The following CHMP2A variants were observed in gnomAD, a reference collection of about 807,000 sequenced individuals.
CHMP2A encodes charged multivesicular body protein 2A.
Under a neutral mutation model 21.8 loss-of-function variants are expected in CHMP2A, and 6 were observed. That is an observed-to-expected ratio of 0.28 (90% CI 0.15 to 0.54). CHMP2A has a LOEUF of 0.54. Ranked by LOEUF, CHMP2A falls within the 20% of genes least tolerant of loss-of-function variation. CHMP2A has a pLI of 0.95. For missense variants in CHMP2A, 303 were observed against 293.9 expected (o/e 1.03, Z -0.23); for synonymous variants, 125 against 107.0 (o/e 1.17, Z -1.04).
chr19:58,552,447 T>G lies in CHMP2A; in HGVS notation c.169-9A>C. The stretch of plus-strand genomic sequence containing the variant: ...ATGATGCGAACAGCATCCTGCAGAG[T>G]AGACAAGGGTATCAAGGACACAGGA... On this transcript the variant is annotated splice_polypyrimidine_tract_variant and intron_variant, in intron 2 of 5. Transcript: ENST00000312547. 6.2e-7 allele frequency: 1 copy of G among 1,610,782 alleles called. No individual in the cohort carries two copies. Among genetic ancestry groups the G allele is most frequent in the South Asian group, 1.1e-5 (1 of 90,876 alleles).
chr19:58,553,978 C>G (rs780188922), intron 2 of CHMP2A, 67 bp downstream of exon 2: 28 of 1,588,754 alleles, frequency 1.8e-5, no homozygotes, highest in Non-Finnish European at 2.2e-5. Context: ...GGTGTCTGGT[C>G]TCTCTTGTTC....
Position 58,551,957 on chromosome 19 carries a change from C to T in CHMP2A, c.490G>A (p.Val164Met), listed in dbSNP as rs146139219. 127 of 1,614,034 alleles carry T rather than the reference C, an allele frequency of 7.9e-5. No individual in the cohort carries two copies. Among genetic ancestry groups the T allele is most frequent in the Non-Finnish European group, 9.7e-5 (115 of 1,180,036 alleles). The change falls in exon 5 of 6, where the codon GTG (valine) becomes ATG (methionine). Residue 164 changes from valine (V) to methionine (M), a missense_variant. Coordinates refer to ENST00000312547, the MANE Select transcript of CHMP2A (RefSeq NM_014453.4). ...CCCAGCTCATCCAGAACCTGGGACA[C>T]CACAGCATCACTAGGGAAGAGAGAG... ...EEDEEESDAV[V>M]SQVLDELGLS...
intron 2 of CHMP2A, among the ~76,000 whole-genome samples, chr19:58,553,517 G>A (rs1027669309): frequency 6.6e-6 from 1 of 151,296 alleles, no homozygotes; most frequent in Non-Finnish European, 1.5e-5. Context: ...GATTACAGGC[G>A]TGCGCCACCA....
intron 1 of CHMP2A, 79 bp from the exon 2 acceptor site, chr19:58,554,315 C>T: frequency 1.5e-6 from 2 of 1,363,234 alleles, no homozygotes; most frequent in Non-Finnish European, 2.0e-6. Context: ...TCACGGGAGC[C>T]TTGCCAAATG....
At chr19:58,552,516 C>G in intron 2 of CHMP2A, 78 bp from the exon 3 acceptor site, 1 of 1,418,206 alleles carries the variant, frequency 7.1e-7, no homozygotes, top group South Asian at 1.3e-5. Context: ...AGTTGGTTGT[C>G]CCTCCCCACC....
At position 58,551,728 on chromosome 19, in the gene CHMP2A, T is replaced by G. The variant is rs2053827441; in HGVS notation, c.590A>C (p.Lys197Thr). ...TAGGGCTGAGGCTGCGGCCTCTGCT[T>G]TTTTCCCACCAGCAGCCACACTAAG... ...GSLSVAAGGKKAEAAASALAD... is the reference protein window; with the variant it reads ...GSLSVAAGGKTAEAAASALAD... Residue 197 changes from lysine to threonine, a missense_variant, in exon 6 of 6, where the codon AAA (lysine) becomes ACA (threonine). Physicochemically the swap from Lys to Thr is moderately conservative, Grantham distance 78. Coordinates refer to ENST00000312547, the MANE Select transcript of CHMP2A (RefSeq NM_014453.4). 6.2e-7 allele frequency: 1 copy of G among 1,614,076 alleles called. No homozygotes were observed. Among genetic ancestry groups the G allele is most frequent in the Admixed American group, 1.7e-5 (1 of 60,020 alleles).
chr19:58,552,200 AGT>A lies in CHMP2A; in HGVS notation c.349-17_349-16del, dbSNP rs1398665097. On this transcript the variant is annotated splice_polypyrimidine_tract_variant and intron_variant, in intron 3 of 5. Transcript: ENST00000312547. The stretch of plus-strand genomic sequence containing the variant: ...GGCAACTTCAGCTGGAAGTGACAGG[AGT>A]GTGAGTGTGATCCCCATGGGTCGTG... 1.2e-6 allele frequency: 2 copies of A among 1,614,020 alleles called. No homozygotes were observed. The highest frequency in any genetic ancestry group is 2.2e-5 in the East Asian group (1 of 44,902).
intron 2 of CHMP2A, chr19:58,553,621 CCT>C (rs770048538): frequency 8.3e-5 from 20 of 242,062 alleles, no homozygotes; most frequent in African/African-American, 3.8e-4. Flanking sequence ...GATCCAACCA[CCT>C]CTGCCTCCCA....
At chr19:58,553,377 T>TG (rs2053855318) in intron 2 of CHMP2A, among the ~76,000 whole-genome samples, 1 of 147,136 alleles carries the variant, frequency 6.8e-6, no homozygotes, top group Non-Finnish European at 1.5e-5. Context: ...ACTGGTTTTT[T>TG]TTTTTTTTTT....
intron 5 of CHMP2A, 48 bp downstream of exon 5, chr19:58,551,858 T>C (rs1368026418): frequency 6.2e-7 from 1 of 1,614,058 alleles, no homozygotes; most frequent in Non-Finnish European, 8.5e-7. Flanking sequence ...CTTGGAGCTG[T>C]GGCTGGGCCT....
chr19:58,553,862 C>T (rs896440999), intron 2 of CHMP2A, 183 bp downstream of exon 2: 1 of 703,940 alleles, frequency 1.4e-6, no homozygotes, highest in African/African-American at 1.8e-5. Flanking sequence ...ATCACTCAAG[C>T]CTTGGATCTC....
Position 58,552,060 on chromosome 19 carries a change from C to T in CHMP2A, c.474G>A (p.Glu158=), listed in dbSNP as rs375168365. The T allele has an allele frequency of 3.7e-6, 6 of 1,614,186 alleles. No individual in the cohort carries two copies. The highest frequency in any genetic ancestry group is 4.2e-6 in the Non-Finnish European group (5 of 1,180,034). Residue 158 remains glutamate, a synonymous_variant, in exon 4 of 6, where the codon GAG becomes GAA. Coordinates refer to ENST00000312547, the MANE Select transcript of CHMP2A (RefSeq NM_014453.4). The part of the protein sequence containing the change: ...DDAMGDEEDE[E]ESDAVVSQVL... Reference sequence around the variant, plus strand: ...CCCATCCAGTTTCCCCATACCTCTCCTCTTCATCTTCCTCATCACCCATGG... The same window carrying T: ...CCCATCCAGTTTCCCCATACCTCTCTTCTTCATCTTCCTCATCACCCATGG...
chr19:58,552,342 T>G lies in CHMP2A; in HGVS notation c.265A>C (p.Lys89Gln). The change falls in exon 3 of 6, where the codon AAG becomes CAG. Residue 89 changes from lysine to glutamine, a missense_variant. Coordinates refer to ENST00000312547, the MANE Select transcript of CHMP2A (RefSeq NM_014453.4). Reference protein sequence around the residue: ...MRANIQAVSLKIQTLKSNNSM... With the variant: ...MRANIQAVSLQIQTLKSNNSM... ...TTGTTGGACTTGAGTGTCTGGATCTTGAGGGACACAGCCTGGATGTTGGCC... is the reference window on the plus strand; with the variant it reads ...TTGTTGGACTTGAGTGTCTGGATCTGGAGGGACACAGCCTGGATGTTGGCC... 1 of 1,614,250 alleles carries G rather than the reference T, an allele frequency of 6.2e-7. No homozygotes were observed. The highest frequency in any genetic ancestry group is 8.5e-7 in the Non-Finnish European group (1 of 1,180,046).
rs2053824586 is a variant in CHMP2A at position 58,551,607 on chromosome 19, G to C, written c.*42C>G. On this transcript the variant is annotated 3_prime_UTR_variant, in exon 6 of 6. Transcript: ENST00000312547. ...TTATTACAGAGGGGTTGTGGTAAAAGATCCTGGGCATCCACTGGTTATCTC... is the reference window on the plus strand; with the variant it reads ...TTATTACAGAGGGGTTGTGGTAAAACATCCTGGGCATCCACTGGTTATCTC... 1.9e-6 allele frequency: 3 copies of C among 1,599,592 alleles called. No homozygotes were observed. Among genetic ancestry groups the C allele is most frequent in the Non-Finnish European group, 2.6e-6 (3 of 1,170,050 alleles).
chr19:58,552,232 T>A lies in CHMP2A; in HGVS notation c.348+27A>T, dbSNP rs774491067. 4.3e-6 allele frequency: 7 copies of A among 1,613,864 alleles called. No homozygotes were observed. The South Asian group carries it at 7.7e-5, about 18-fold the overall frequency. ...GTGTGATCCCCATGGGTCGTGGGAG[T>A]GGGAAGGGGGATTGGGAAAAGCGCA... On this transcript the variant is annotated intron_variant, in intron 3 of 5. Transcript: ENST00000312547.
rs369412344 is a variant in CHMP2A at position 58,552,225 on chromosome 19, G to A, written c.348+34C>T. On this transcript the variant is annotated intron_variant, in intron 3 of 5. Coordinates refer to ENST00000312547, the MANE Select transcript of CHMP2A (RefSeq NM_014453.4). ...AGTGTGAGTGTGATCCCCATGGGTCGTGGGAGTGGGAAGGGGGATTGGGAA... is the reference window on the plus strand; with the variant it reads ...AGTGTGAGTGTGATCCCCATGGGTCATGGGAGTGGGAAGGGGGATTGGGAA... 217 of 1,614,048 alleles carry A rather than the reference G, an allele frequency of 1.3e-4. 2 individuals are homozygous for A. The Admixed American group carries it at 3.5e-3, about 26-fold the overall frequency.
chr19:58,553,538 G>GT (rs565753399), intron 2 of CHMP2A, among the ~76,000 whole-genome samples: 153 of 150,562 alleles, frequency 1.0e-3, no homozygotes, highest in South Asian at 6.5e-3. Flanking sequence ...TGCCTGGCTA[G>GT]TTTTTTTTAT....
chr19:58,553,071 T>G (rs1028010091), intron 2 of CHMP2A, among the ~76,000 whole-genome samples: 8 of 152,132 alleles, frequency 5.3e-5, no homozygotes, highest in Non-Finnish European at 1.2e-4. Context: ...CTTTTTTTTT[T>G]TTTTGAGTTG....
Sources: allele counts gnomAD v4.1 joint callset (sites outside exome capture counted in the v4.1 genomes callset), GRCh38; gene constraint gnomAD v4.1.1; transcripts MANE v1.5; gene names NCBI Gene and HGNC (gene_info 2026-07-23, HGNC 2026-07-21).